SLC15A5: variants seen among roughly 807,000 people sequenced by gnomAD.
The protein encoded by SLC15A5 is solute carrier family 15 member 5.
In SLC15A5, 58 loss-of-function variants were observed where a neutral mutation model predicts 56.1. That is an observed-to-expected ratio of 1.03 (90% CI 0.84 to 1.29). The LOEUF is 1.29. Among genes scored for constraint, SLC15A5 ranks in the 50% most tolerant of loss-of-function variants. The pLI is 0.00. For synonymous variants in SLC15A5, 264 were observed against 250.5 expected, an observed-to-expected ratio of 1.05 and a Z score of -0.51; for missense variants, 681 against 672.1, an observed-to-expected ratio of 1.01 and a Z score of -0.15.
intron 6 of SLC15A5, among the ~76,000 whole-genome samples, chr12:16,217,239 C>T (rs1460114020): frequency 6.6e-6 from 1 of 152,042 alleles, no homozygotes; most frequent in Non-Finnish European, 1.5e-5. Context: ...TACCTTGACC[C>T]AGCTACAATG....
At chr12:16,256,059 A>T (rs1377996372) in intron 3 of SLC15A5, among the ~76,000 whole-genome samples, 2 of 152,210 alleles carry the variant, frequency 1.3e-5, no homozygotes, top group Non-Finnish European at 2.9e-5. Context: ...ATACATAAAA[A>T]ATGCTTAAGA....
chr12:16,200,915 C>T lies in SLC15A5; in HGVS notation c.1484-6462G>A, dbSNP rs555196685. Among the ~76,000 whole-genome samples the T allele has an allele frequency of 5.9e-5, 9 of 152,138 alleles. No individual in the cohort carries two copies. The South Asian group carries it at 1.9e-3, about 32-fold the overall frequency. On this transcript the variant is annotated intron_variant, in intron 7 of 8. Transcript: ENST00000344941. ...GAGAACAGGAAATCAATATATTAAA[C>T]ATTTTTAGATTTAATAGTTCTAAGA...
At position 16,257,737 on chromosome 12, in the gene SLC15A5, T is replaced by C; in HGVS notation, c.718A>G (p.Met240Val). 1 of 1,520,782 alleles carries C rather than the reference T, an allele frequency of 6.6e-7. No individual in the cohort carries two copies. Among genetic ancestry groups the C allele is most frequent in the Non-Finnish European group, 8.8e-7 (1 of 1,141,738 alleles). The allele number at this position is 1,520,782 out of a possible 1,614,324, so 94.2% of individuals were successfully genotyped here. A position where few individuals can be genotyped will look rare whatever the true frequency, so the allele number is the denominator to read the frequency against. ...TGATAAATTAGGTTGTAGTATATCA[T>C]ATGAAGAGTTATCACAGCCATAAGC... ...SMLMAVITLH[M>V]IYYNLIYQSE... The change falls in exon 3 of 9, where the codon ATG becomes GTG. Residue 240 changes from methionine (M) to valine (V), a missense_variant. Transcript: ENST00000344941.
chr12:16,205,045 C>T (rs529882242), intron 7 of SLC15A5, among the ~76,000 whole-genome samples: 74 of 151,896 alleles, frequency 4.9e-4, no homozygotes, highest in Admixed American at 1.3e-3. Flanking sequence ...ACATAAATCA[C>T]AATATTCTTA....
chr12:16,197,664 C>A (rs1247484599), intron 7 of SLC15A5, among the ~76,000 whole-genome samples: 1 of 152,026 alleles, frequency 6.6e-6, no homozygotes, highest in Non-Finnish European at 1.5e-5. Flanking sequence ...CCTCCTGCCC[C>A]CTTTCCAGGT....
intron 4 of SLC15A5, among the ~76,000 whole-genome samples, chr12:16,242,432 T>C (rs1178053681): frequency 6.6e-6 from 1 of 151,480 alleles, no homozygotes; most frequent in Non-Finnish European, 1.5e-5. Context: ...ACACTAATCC[T>C]GAGGTGGGAT....
chr12:16,234,002 CA>C (rs1313665788), intron 5 of SLC15A5, among the ~76,000 whole-genome samples: 2 of 151,880 alleles, frequency 1.3e-5, no homozygotes, highest in East Asian at 1.9e-4. Context: ...TGCTGTTATT[CA>C]AAAAAAGTGT....
chr12:16,199,703 G>A (rs755688259), intron 7 of SLC15A5, among the ~76,000 whole-genome samples: 53 of 152,100 alleles, frequency 3.5e-4, no homozygotes, highest in Non-Finnish European at 6.5e-4. Flanking sequence ...ATGATCACAC[G>A]TATCTTGAAA....
In SLC15A5 at chr12:16,258,689, A is replaced by G. The variant is rs1451083793; in HGVS notation, c.585-819T>C. ...TACACTATCATTAAAATTTTAGATAAGCCTTAGTACACTTACACTATCATT... is the reference window on the plus strand; with the variant it reads ...TACACTATCATTAAAATTTTAGATAGGCCTTAGTACACTTACACTATCATT... On this transcript the variant is annotated intron_variant, in intron 2 of 8. Coordinates refer to ENST00000344941, the MANE Select transcript of SLC15A5 (RefSeq NM_001170798.1). 5.3e-5 allele frequency among the ~76,000 whole-genome samples: 8 copies of G among 152,042 alleles called. No individual in the cohort carries two copies. The East Asian group carries it at 1.5e-3, about 29-fold the overall frequency.
In SLC15A5 at chr12:16,205,035, A is replaced by G. The variant is rs527316349; in HGVS notation, c.1484-10582T>C. ...TGGAAAAATACTAGCAATAAATATG[A>G]CATAAATCACAATATTCTTAAAGTA... is the stretch of plus-strand genomic sequence containing the variant. On this transcript the variant is annotated intron_variant, in intron 7 of 8. Transcript: ENST00000344941. 3.3e-5 allele frequency among the ~76,000 whole-genome samples: 5 copies of G among 152,258 alleles called. No individual in the cohort carries two copies. In the East Asian group the frequency reaches 7.7e-4, roughly 23 times the overall value.
At chr12:16,255,205 T>A (rs1376602842) in intron 3 of SLC15A5, among the ~76,000 whole-genome samples, 1 of 151,724 alleles carries the variant, frequency 6.6e-6, no homozygotes, top group African/African-American at 2.4e-5. Context: ...CAGAAAAAAA[T>A]GATAAAGATG....
At chr12:16,264,049 C>G (rs1864668808) in intron 2 of SLC15A5, among the ~76,000 whole-genome samples, 1 of 152,152 alleles carries the variant, frequency 6.6e-6, no homozygotes. Context: ...GAGAAGAGAA[C>G]CACTGGCCTC....
At chr12:16,261,192 C>T (rs1417839026) in intron 2 of SLC15A5, among the ~76,000 whole-genome samples, 1 of 152,052 alleles carries the variant, frequency 6.6e-6, no homozygotes, top group Non-Finnish European at 1.5e-5. Flanking sequence ...ATATCCATTG[C>T]TTCTAAAGCT....
Position 16,237,428 on chromosome 12 carries a change from C to T in SLC15A5, c.1162+2253G>A, listed in dbSNP as rs1864362805. 1.3e-5 allele frequency among the ~76,000 whole-genome samples: 2 copies of T among 152,122 alleles called. No individual in the cohort carries two copies. Among genetic ancestry groups the T allele is most frequent in the Admixed American group, 1.3e-4 (2 of 15,266 alleles). On this transcript the variant is annotated intron_variant, in intron 5 of 8. Coordinates refer to ENST00000344941, the MANE Select transcript of SLC15A5 (RefSeq NM_001170798.1). This position sits in a 1 kb window ranked among gnomAD's most constrained non-coding sequence, Gnocchi z 4.1. ...TACCCAGTGGAACGTAGCTTAGTTT[C>T]TTTTGAAGTGAGTCTAGTTTTTCCT...
At chr12:16,266,356 A>G (rs1246230814) in intron 2 of SLC15A5, among the ~76,000 whole-genome samples, 1 of 152,236 alleles carries the variant, frequency 6.6e-6, no homozygotes, top group East Asian at 1.9e-4. Flanking sequence ...TCTTCAGTAT[A>G]CCACATGGTG....
At chr12:16,213,554 G>C (rs1257469786) in intron 7 of SLC15A5, among the ~76,000 whole-genome samples, 1 of 151,986 alleles carries the variant, frequency 6.6e-6, no homozygotes, top group African/African-American at 2.4e-5. Flanking sequence ...AATTTTTCTG[G>C]GCACTAGATT....
At chr12:16,249,637 CAG>C (rs749970012) in intron 3 of SLC15A5, among the ~76,000 whole-genome samples, 6 of 151,986 alleles carry the variant, frequency 3.9e-5, no homozygotes, top group Non-Finnish European at 8.8e-5. Flanking sequence ...TGGCAGTAAA[CAG>C]AGTTTATTAC....
chr12:16,277,251 A>G (rs1292710699), intron 1 of SLC15A5, 74 bp downstream of exon 1: 16 of 1,356,170 alleles, frequency 1.2e-5, no homozygotes, highest in Non-Finnish European at 1.6e-5. Context: ...AGTGAAAATA[A>G]TATAAACTAA....
At chr12:16,231,606 T>C (rs1279160252) in intron 5 of SLC15A5, among the ~76,000 whole-genome samples, 1 of 152,194 alleles carries the variant, frequency 6.6e-6, no homozygotes, top group Non-Finnish European at 1.5e-5. Flanking sequence ...GTCTGTGCAC[T>C]GAACAGTGAA....
Sources: allele counts gnomAD v4.1 joint callset (sites outside exome capture counted in the v4.1 genomes callset), GRCh38; gene constraint gnomAD v4.1.1; non-coding constraint Gnocchi (gnomAD v3.1); transcripts MANE v1.5; gene names NCBI Gene and HGNC (gene_info 2026-07-23, HGNC 2026-07-21).